The following LRRTM4 variants were observed in gnomAD, a reference collection of about 807,000 sequenced individuals.
LRRTM4 encodes the protein leucine-rich repeat transmembrane neuronal protein 4.
In LRRTM4, 25 loss-of-function variants were observed where a neutral mutation model predicts 47.6. That is an observed-to-expected ratio of 0.53 (90% confidence interval 0.38 to 0.73). The LOEUF (loss-of-function observed/expected upper bound fraction) is 0.73. LRRTM4 is among the 30% of genes least tolerant of loss of function. The pLI is 0.00. For synonymous variants in LRRTM4, 311 were observed against 269.5 expected (o/e 1.15, Z -1.51); for missense variants, 638 against 713.4 (o/e 0.89, Z 1.20).
intron 3 of LRRTM4, among the ~76,000 whole-genome samples, chr2:77,453,375 G>T (rs1408198380): frequency 3.3e-5 from 5 of 151,532 alleles, no homozygotes; most frequent in South Asian, 2.1e-4. Context: ...TAGAGACGGG[G>T]TTCACCGTGT....
chr2:76,797,957 T>A (rs551130893), intron 3 of LRRTM4, among the ~76,000 whole-genome samples: 1 of 149,550 alleles, frequency 6.7e-6, no homozygotes, highest in Non-Finnish European at 1.5e-5. Context: ...AGCATCCAGA[T>A]TCATAAAGCA....
chr2:77,322,909 T>C (rs983035863), intron 3 of LRRTM4, among the ~76,000 whole-genome samples: 1 of 151,554 alleles, frequency 6.6e-6, no homozygotes, highest in Non-Finnish European at 1.5e-5. Context: ...TGTCAGCATC[T>C]GATAACTGTT....
chr2:77,044,776 A>G (rs997382623), intron 3 of LRRTM4, among the ~76,000 whole-genome samples: 2 of 151,718 alleles, frequency 1.3e-5, no homozygotes, highest in Admixed American at 1.3e-4. Context: ...CTACACATAC[A>G]TATGTATAGA....
At chr2:77,119,129 A>C (rs985966708) in intron 3 of LRRTM4, among the ~76,000 whole-genome samples, 1 of 151,840 alleles carries the variant, frequency 6.6e-6, no homozygotes, top group Non-Finnish European at 1.5e-5. Context: ...ATTTCAATGA[A>C]TCCAACTCAT....
At chr2:76,940,742 G>A (rs914111950) in intron 3 of LRRTM4, among the ~76,000 whole-genome samples, 3 of 152,190 alleles carry the variant, frequency 2.0e-5, no homozygotes, top group Non-Finnish European at 4.4e-5. Flanking sequence ...GGTTCTGAAA[G>A]TGAGTGTGTG....
intron 3 of LRRTM4, among the ~76,000 whole-genome samples, chr2:77,362,791 G>T (rs918569621): frequency 6.6e-6 from 1 of 152,040 alleles, no homozygotes; most frequent in Non-Finnish European, 1.5e-5. Flanking sequence ...CCTTTTTTAA[G>T]TATCTGATTT....
At chr2:76,866,409 G>A (rs1672470040) in intron 3 of LRRTM4, among the ~76,000 whole-genome samples, 1 of 152,034 alleles carries the variant, frequency 6.6e-6, no homozygotes, top group South Asian at 2.1e-4. Flanking sequence ...TCTTTCCTTA[G>A]AGCAATTTCA....
chr2:77,172,039 T>G (rs538770252), intron 3 of LRRTM4, among the ~76,000 whole-genome samples: 4 of 152,310 alleles, frequency 2.6e-5, no homozygotes, highest in African/African-American at 9.6e-5. Flanking sequence ...CTATCAATTT[T>G]CAAAATTTGA....
In LRRTM4 at chr2:77,000,311, A is replaced by G. The variant is rs867031507; in HGVS notation, c.1552-251395T>C. ...CTTCTCAGCCTTAAGGGATTTCTAG[A>G]AAAAAAAAAAGGGTTAGTAATTGTG... On this transcript the variant is annotated intron_variant, in intron 3 of 3. Coordinates refer to ENST00000409884, the MANE Select transcript of LRRTM4 (RefSeq NM_001134745.3). Among the ~76,000 whole-genome samples, 12 of 60,384 alleles carry G rather than the reference A, an allele frequency of 2.0e-4. No individual in the cohort carries two copies. The South Asian group carries it at 6.6e-3, about 33-fold the overall frequency. 39.6% of individuals were successfully genotyped at this position (60,384 alleles called of 152,430 possible).
intron 3 of LRRTM4, among the ~76,000 whole-genome samples, chr2:77,316,014 C>T (rs895369780): frequency 6.6e-6 from 1 of 152,134 alleles, no homozygotes; most frequent in Non-Finnish European, 1.5e-5. Flanking sequence ...TTTTTTCTCA[C>T]TGGAACAGGG....
intron 3 of LRRTM4, among the ~76,000 whole-genome samples, chr2:77,463,698 C>T (rs1279308768): frequency 1.3e-5 from 2 of 152,004 alleles, no homozygotes; most frequent in African/African-American, 2.4e-5. Context: ...CCTAGTTCAA[C>T]CCCCTTTTTA....
At chr2:77,392,027 T>C (rs1160146142) in intron 3 of LRRTM4, among the ~76,000 whole-genome samples, 2 of 152,030 alleles carry the variant, frequency 1.3e-5, no homozygotes, top group East Asian at 1.9e-4. Context: ...TTGGGGGAAA[T>C]TGCATTCTTT....
chr2:76,766,378 C>T (rs1055674187), intron 3 of LRRTM4, among the ~76,000 whole-genome samples: 1 of 152,172 alleles, frequency 6.6e-6, no homozygotes, highest in Non-Finnish European at 1.5e-5. Flanking sequence ...TTAAGATCCT[C>T]TAAGGTGCAG....
At chr2:77,152,224 C>T (rs1672448542) in intron 3 of LRRTM4, among the ~76,000 whole-genome samples, 1 of 152,158 alleles carries the variant, frequency 6.6e-6, no homozygotes, top group Non-Finnish European at 1.5e-5. Flanking sequence ...CCATTTGACC[C>T]CAAGAGAGGG....
intron 3 of LRRTM4, among the ~76,000 whole-genome samples, chr2:76,934,648 T>C (rs1266142884): frequency 2.0e-5 from 3 of 152,190 alleles, no homozygotes; most frequent in East Asian, 1.9e-4. Flanking sequence ...TCCCTGAACA[T>C]GGAGCTGGGA....
intron 3 of LRRTM4, among the ~76,000 whole-genome samples, chr2:77,227,314 G>T (rs933025366): frequency 1.3e-5 from 2 of 152,018 alleles, no homozygotes; most frequent in African/African-American, 4.8e-5. Flanking sequence ...AATGGGTTTT[G>T]CTGAGTGAAA....
intron 3 of LRRTM4, among the ~76,000 whole-genome samples, chr2:76,852,733 T>C (rs902127386): frequency 6.6e-6 from 1 of 152,126 alleles, no homozygotes; most frequent in African/African-American, 2.4e-5. Context: ...GAACTCAAAG[T>C]GTGGAGTGAG....
chr2:77,497,579 A>T lies in LRRTM4; in HGVS notation c.1551+20739T>A, dbSNP rs147495669. Among the ~76,000 whole-genome samples, 148 of 151,484 alleles carry T rather than the reference A, an allele frequency of 9.8e-4. 1 individual carries two copies. The highest frequency in any genetic ancestry group is 6.8e-3 in the Middle Eastern group (2 of 292). ...AGACAAATATTAAGTCTACATCTAC[A>T]TCTATATTCACACACACACCCACTA... is the stretch of plus-strand genomic sequence containing the variant. On this transcript the variant is annotated intron_variant, in intron 3 of 3. Coordinates refer to ENST00000409884, the MANE Select transcript of LRRTM4 (RefSeq NM_001134745.3).
chr2:77,470,532 T>G (rs925041537), intron 3 of LRRTM4, among the ~76,000 whole-genome samples: 1 of 152,156 alleles, frequency 6.6e-6, no homozygotes, highest in Admixed American at 6.5e-5. Context: ...GGTGAATCAG[T>G]TGAGTAAGCA....
Sources: gnomAD v4.1 joint callset for allele counts (sites outside exome capture counted in the v4.1 genomes callset) on GRCh38, gnomAD v4.1.1 for gene constraint, MANE v1.5 for transcripts, NCBI Gene and HGNC (gene_info 2026-07-23, HGNC 2026-07-21) for gene names.